The following IL1RAPL2 variants were observed in gnomAD, a reference collection of about 807,000 sequenced individuals.
IL1RAPL2 encodes the protein interleukin 1 receptor accessory protein like 2, also known as X-linked interleukin-1 receptor accessory protein-like 2.
IL1RAPL2 carries 3 observed loss-of-function variants against 44.1 expected under a neutral mutation model. That is an observed-to-expected ratio of 0.07 (90% CI 0.03 to 0.18). The LOEUF is 0.18. Ranked by LOEUF, IL1RAPL2 falls within the 10% of genes least tolerant of loss-of-function variation. The pLI, the probability that IL1RAPL2 is intolerant of heterozygous loss-of-function variation, is 1.00. For synonymous variants in IL1RAPL2, 181 were observed against 178.8 expected, an observed-to-expected ratio of 1.01 and a Z score of -0.10; for missense variants, 391 against 496.4, an observed-to-expected ratio of 0.79 and a Z score of 2.02.
At chrX:104,682,703 G>A (rs1421699741) in intron 2 of IL1RAPL2, among the ~76,000 whole-genome samples, 1 of 111,774 alleles carries the variant, frequency 8.9e-6, no homozygotes, top group Non-Finnish European at 1.9e-5. Context: ...TTAGAGGTTT[G>A]GAAGAAGCTA....
chrX:104,568,869 C>T (rs780149043), intron 1 of IL1RAPL2, among the ~76,000 whole-genome samples: 2 of 111,804 alleles, frequency 1.8e-5, no homozygotes, highest in African/African-American at 6.5e-5. Context: ...ACAGTCGCAC[C>T]GTGAGGCTGC....
intron 2 of IL1RAPL2, among the ~76,000 whole-genome samples, chrX:104,763,659 C>T (rs1471088158): frequency 9.0e-6 from 1 of 111,699 alleles, no homozygotes; most frequent in Admixed American, 9.5e-5. Context: ...ACATGCTCTT[C>T]TTCACATGGC....
At chrX:105,040,683 T>C (rs2031716682) in intron 2 of IL1RAPL2, among the ~76,000 whole-genome samples, 1 of 110,515 alleles carries the variant, frequency 9.0e-6, no homozygotes, top group Non-Finnish European at 1.9e-5. Context: ...GTGTTTATAG[T>C]ATTCTCTGAT....
intron 2 of IL1RAPL2, among the ~76,000 whole-genome samples, chrX:104,774,087 T>C (rs748409078): frequency 8.9e-6 from 1 of 111,922 alleles, no homozygotes; most frequent in Non-Finnish European, 1.9e-5. Flanking sequence ...TAAATGGTAG[T>C]TTATTTCACG....
At chrX:104,617,833 A>T (rs988696497) in intron 1 of IL1RAPL2, among the ~76,000 whole-genome samples, 1 of 110,988 alleles carries the variant, frequency 9.0e-6, no homozygotes, top group Admixed American at 9.6e-5. Flanking sequence ...TGACTTCTTT[A>T]TCTGTCATTT....
intron 1 of IL1RAPL2, among the ~76,000 whole-genome samples, chrX:104,633,250 T>G (rs923758660): frequency 2.7e-5 from 3 of 111,895 alleles, no homozygotes; most frequent in Non-Finnish European, 5.6e-5. Flanking sequence ...TGCCAGTATT[T>G]TATTGAGGAT....
At chrX:105,032,901 T>C (rs2147753718) in intron 2 of IL1RAPL2, among the ~76,000 whole-genome samples, 1 of 111,881 alleles carries the variant, frequency 8.9e-6, no homozygotes, top group East Asian at 2.8e-4. Flanking sequence ...TTTATGAATC[T>C]GGGTGCTCCA....
intron 5 of IL1RAPL2, among the ~76,000 whole-genome samples, chrX:105,427,540 G>A (rs990720094): frequency 8.9e-6 from 1 of 112,157 alleles, no homozygotes; most frequent in African/African-American, 3.2e-5. Flanking sequence ...GCAGATTTGT[G>A]TACTATGTAC....
intron 5 of IL1RAPL2, 130 bp downstream of exon 5, chrX:105,267,671 A>G (rs2034413839): frequency 4.0e-6 from 2 of 498,149 alleles, no homozygotes; most frequent in Admixed American, 4.1e-5. Context: ...ATAGTTGAGA[A>G]ACTTGCTATT....
In IL1RAPL2 at chrX:105,038,495, C is replaced by T. The variant is rs2031666870; in HGVS notation, c.83-156980C>T. The stretch of plus-strand genomic sequence containing the variant: ...CACACTAGTGCATGGTGTTTGGTAT[C>T]TCATCATACCACTTTGGTGGAAGAG... On this transcript the variant is annotated intron_variant, in intron 2 of 10. Coordinates refer to ENST00000372582, the MANE Select transcript of IL1RAPL2 (RefSeq NM_017416.2). 4.5e-5 allele frequency among the ~76,000 whole-genome samples: 5 copies of T among 111,574 alleles called. No individual in the cohort carries two copies. In the South Asian group the frequency reaches 1.9e-3, roughly 42 times the overall value.
At chrX:104,893,917 G>A (rs1241711571) in intron 2 of IL1RAPL2, among the ~76,000 whole-genome samples, 5 of 111,800 alleles carry the variant, frequency 4.5e-5, no homozygotes, top group African/African-American at 1.6e-4. Flanking sequence ...TTTTGCAGTG[G>A]CTGGTACCGG....
At chrX:105,112,300 G>C (rs994120543) in intron 2 of IL1RAPL2, among the ~76,000 whole-genome samples, 4 of 112,127 alleles carry the variant, frequency 3.6e-5, no homozygotes, top group Admixed American at 9.5e-5. Flanking sequence ...TCTATTGCCA[G>C]AGAGTCTTGC....
intron 2 of IL1RAPL2, among the ~76,000 whole-genome samples, chrX:105,146,385 G>T (rs1266949890): frequency 9.0e-5 from 10 of 110,520 alleles, no homozygotes; most frequent in African/African-American, 3.0e-4. Context: ...TTATAGCCCT[G>T]GTTTATAAGA....
At chrX:104,611,354 C>G (rs951374470) in intron 1 of IL1RAPL2, among the ~76,000 whole-genome samples, 17 of 111,373 alleles carry the variant, frequency 1.5e-4, no homozygotes, top group African/African-American at 5.2e-4. Flanking sequence ...ATATGCCCTT[C>G]CCACAGAGGT....
rs989001760 is a variant in IL1RAPL2 at position 104,604,634 on chromosome X, A to C, written c.-20+37583A>C. On this transcript the variant is annotated intron_variant, in intron 1 of 10. Transcript: ENST00000372582. ...AATATTTACTGAGGAAATGCATAGC[A>C]AAAAAAAAAAAAAAAAAAAAAGCAG... Among the ~76,000 whole-genome samples the C allele has an allele frequency of 1.1e-4, 3 of 28,228 alleles. No individual in the cohort carries two copies. In the East Asian group the frequency reaches 4.7e-3, roughly 44 times the overall value. 24.5% of individuals were successfully genotyped at this position (28,228 alleles called of 115,157 possible).
intron 1 of IL1RAPL2, among the ~76,000 whole-genome samples, chrX:104,582,117 T>G (rs1345378593): frequency 2.7e-5 from 3 of 112,137 alleles, no homozygotes; most frequent in Admixed American, 9.5e-5. Flanking sequence ...TAGAAGCATT[T>G]TATTGTAAAA....
intron 7 of IL1RAPL2, among the ~76,000 whole-genome samples, chrX:105,729,604 TA>T (rs1306481402): frequency 1.8e-5 from 2 of 110,706 alleles, no homozygotes; most frequent in Admixed American, 9.7e-5. Flanking sequence ...AGAAGTTTCT[TA>T]ATCTGTATAT....
chrX:105,089,815 G>C (rs2032521826), intron 2 of IL1RAPL2, among the ~76,000 whole-genome samples: 2 of 111,736 alleles, frequency 1.8e-5, no homozygotes, highest in Admixed American at 1.9e-4. Flanking sequence ...GTCCCACAGT[G>C]AATAAGAGGA....
At chrX:105,205,898 T>C (rs1433707664) in intron 3 of IL1RAPL2, among the ~76,000 whole-genome samples, 2 of 110,272 alleles carry the variant, frequency 1.8e-5, no homozygotes, top group African/African-American at 6.6e-5. Flanking sequence ...GAAGACCAAG[T>C]TGAGAAGCAA....
Sources: gnomAD v4.1 joint callset for allele counts (sites outside exome capture counted in the v4.1 genomes callset) on GRCh38, gnomAD v4.1.1 for gene constraint, MANE v1.5 for transcripts, NCBI Gene and HGNC (gene_info 2026-07-23, HGNC 2026-07-21) for gene names.